Variants in SDK1 observed in about 807,000 individuals in gnomAD.
SDK1 encodes the protein sidekick cell adhesion molecule 1.
Under a neutral mutation model 245.5 loss-of-function variants are expected in SDK1, and 157 were observed. The observed-to-expected ratio is 0.64, with a 90% CI of 0.56 to 0.73. SDK1 has a LOEUF of 0.73. Ranked by LOEUF, SDK1 falls within the 30% of genes least tolerant of loss-of-function variation. The probability of loss-of-function intolerance (pLI) is 0.00; values close to 1 mark genes in which losing one functional copy is unlikely to be tolerated. For synonymous variants in SDK1, 1,647 were observed against 1,278.5 expected (o/e 1.29, Z -6.15); for missense variants, 3,583 against 3,002.3 (o/e 1.19, Z -4.52).
chr7:3,838,586 G>A (rs1780079969), intron 5 of SDK1, among the ~76,000 whole-genome samples: 1 of 152,170 alleles, frequency 6.6e-6, no homozygotes, highest in African/African-American at 2.4e-5. Flanking sequence ...GGTGCAAACA[G>A]AACTGTCTAT....
At chr7:3,812,398 T>G (rs986176388) in intron 4 of SDK1, among the ~76,000 whole-genome samples, 1 of 152,168 alleles carries the variant, frequency 6.6e-6, no homozygotes. Flanking sequence ...ATCCAAAGGA[T>G]TTTAAAGGAG....
chr7:3,314,220 C>T (rs1174936880), intron 1 of SDK1, among the ~76,000 whole-genome samples: 1 of 152,140 alleles, frequency 6.6e-6, no homozygotes, highest in East Asian at 1.9e-4. Context: ...CGTGGAAATA[C>T]AAAGATGAAG....
intron 1 of SDK1, among the ~76,000 whole-genome samples, chr7:3,414,968 A>G (rs1317042084): frequency 1.3e-5 from 2 of 152,178 alleles, no homozygotes; most frequent in Non-Finnish European, 2.9e-5. Flanking sequence ...TTATTAATTT[A>G]TCAGTTGATG....
In SDK1 at chr7:3,612,234, A is replaced by G. The variant is rs1781616614; in HGVS notation, c.299-6846A>G. 3.3e-5 allele frequency among the ~76,000 whole-genome samples: 5 copies of G among 152,328 alleles called. 1 individual carries two copies. In the South Asian group the frequency reaches 6.2e-4, roughly 19 times the overall value. ...AACACCACCTATTCCCCAAACACCT[A>G]TGGAAATAAAAAAATTAAAAATCCT... On this transcript the variant is annotated intron_variant, in intron 1 of 44. Transcript: ENST00000404826.
intron 4 of SDK1, among the ~76,000 whole-genome samples, chr7:3,680,445 ATGAT>A (rs1562366301): frequency 6.6e-6 from 1 of 152,194 alleles, no homozygotes. Context: ...ATAAAACTAT[ATGAT>A]TGTGCACACA....
At chr7:3,857,852 T>G (rs774490306) in intron 5 of SDK1, among the ~76,000 whole-genome samples, 1 of 152,120 alleles carries the variant, frequency 6.6e-6, no homozygotes, top group Non-Finnish European at 1.5e-5. Context: ...AACATACCAT[T>G]CACTGTAGCA....
intron 5 of SDK1, among the ~76,000 whole-genome samples, chr7:3,885,968 G>A (rs865780369): frequency 2.6e-5 from 4 of 152,142 alleles, no homozygotes; most frequent in African/African-American, 7.2e-5. Flanking sequence ...GAGGCATCCC[G>A]TGAAAAAAGG....
chr7:3,824,420 T>G (rs1332563609), intron 5 of SDK1, among the ~76,000 whole-genome samples: 2 of 152,222 alleles, frequency 1.3e-5, no homozygotes, highest in Non-Finnish European at 2.9e-5. Context: ...AACCTTTATG[T>G]AGTGAACACC....
At position 3,373,655 on chromosome 7, in the gene SDK1, C is replaced by T. The variant is rs117535610; in HGVS notation, c.298+71771C>T. Among the ~76,000 whole-genome samples, 637 of 149,986 alleles carry T rather than the reference C, an allele frequency of 4.2e-3. 9 individuals are homozygous for T. The highest frequency in any genetic ancestry group is 0.018 in the South Asian group (86 of 4,734). ...TCTGTTCTTTTTTTTTTTGGATGTG[C>T]GATACTTTACTTGGCACTAAAAAGT... On this transcript the variant is annotated intron_variant, in intron 1 of 44. Transcript: ENST00000404826.
chr7:4,058,880 A>G (rs137952184), intron 19 of SDK1, among the ~76,000 whole-genome samples: 9 of 152,318 alleles, frequency 5.9e-5, no homozygotes, highest in Admixed American at 2.6e-4. Context: ...TGAAAGAACA[A>G]TATCTACCAT....
At chr7:3,480,020 C>G (rs1434584642) in intron 1 of SDK1, among the ~76,000 whole-genome samples, 4 of 152,158 alleles carry the variant, frequency 2.6e-5, no homozygotes, top group Non-Finnish European at 5.9e-5. Flanking sequence ...GTAAAGATGT[C>G]TACATCCCAA....
chr7:3,733,740 C>A (rs577525945), intron 4 of SDK1, among the ~76,000 whole-genome samples: 2 of 152,164 alleles, frequency 1.3e-5, no homozygotes, highest in Non-Finnish European at 2.9e-5. Flanking sequence ...GGAAACTGGA[C>A]GTTGCTTCTC....
At chr7:4,052,491 A>T (rs1167328453) in intron 19 of SDK1, among the ~76,000 whole-genome samples, 1 of 152,232 alleles carries the variant, frequency 6.6e-6, no homozygotes, top group East Asian at 1.9e-4. Flanking sequence ...GAATGACAAC[A>T]TAAGAAATAT....
chr7:4,022,665 T>G (rs1252236318), intron 17 of SDK1, among the ~76,000 whole-genome samples: 2 of 152,122 alleles, frequency 1.3e-5, no homozygotes, highest in South Asian at 2.1e-4. Flanking sequence ...CAAATGTGTT[T>G]CCTTCCAGGC....
rs140729268 is a variant in SDK1 at position 3,323,530 on chromosome 7, G to T, written c.298+21646G>T. On this transcript the variant is annotated intron_variant, in intron 1 of 44. Transcript: ENST00000404826. ...CAGTTCCTGTGGCTGTAGGACTGAG[G>T]CTCCTGTTTTCTTGCTGGCAGTCAG... Among the ~76,000 whole-genome samples the T allele has an allele frequency of 4.7e-3, 716 of 152,262 alleles. 8 individuals are homozygous for T. Among genetic ancestry groups the T allele is most frequent in the African/African-American group, 0.016 (681 of 41,532 alleles).
At chr7:3,719,363 A>G (rs1327048947) in intron 4 of SDK1, among the ~76,000 whole-genome samples, 1 of 152,024 alleles carries the variant, frequency 6.6e-6, no homozygotes, top group Non-Finnish European at 1.5e-5. Context: ...AGAAAAAAGT[A>G]GGAGGAATCA....
intron 4 of SDK1, among the ~76,000 whole-genome samples, chr7:3,742,722 C>A (rs1779511047): frequency 1.3e-5 from 2 of 152,190 alleles, no homozygotes; most frequent in South Asian, 2.1e-4. Flanking sequence ...ACTTTTTATT[C>A]CCTGTTTGTC....
intron 1 of SDK1, among the ~76,000 whole-genome samples, chr7:3,388,248 A>G (rs1200817200): frequency 6.6e-6 from 1 of 151,592 alleles, no homozygotes; most frequent in Admixed American, 6.6e-5. Flanking sequence ...ATATATTTTT[A>G]TGTATGTAAA....
chr7:3,687,425 C>T (rs1784319338), intron 4 of SDK1, among the ~76,000 whole-genome samples: 1 of 152,182 alleles, frequency 6.6e-6, no homozygotes, highest in Non-Finnish European at 1.5e-5. Flanking sequence ...CCCCGCCCAG[C>T]CCCATAGCAT....
Sources: allele counts gnomAD v4.1 joint callset (sites outside exome capture counted in the v4.1 genomes callset), GRCh38; gene constraint gnomAD v4.1.1; transcripts MANE v1.5; gene names NCBI Gene and HGNC (gene_info 2026-07-23, HGNC 2026-07-21).